SORCS3: variants seen among roughly 807,000 people sequenced by gnomAD.
The protein encoded by SORCS3 is sortilin related VPS10 domain containing receptor 3, also known as VPS10 domain-containing receptor SorCS3.
SORCS3 carries 57 observed loss-of-function variants against 146.3 expected under a neutral mutation model. That is an observed-to-expected ratio of 0.39 (90% CI 0.31 to 0.49). The LOEUF is 0.49. Ranked by LOEUF, SORCS3 falls within the 20% of genes least tolerant of loss-of-function variation. SORCS3 has a pLI of 0.92. For synonymous variants in SORCS3, 653 were observed against 618.5 expected (o/e 1.06, Z -0.83); for missense variants, 1,341 against 1,575.5 (o/e 0.85, Z 2.52).
chr10:105,253,990 C>T (rs943019239), intron 23 of SORCS3, among the ~76,000 whole-genome samples: 2 of 152,178 alleles, frequency 1.3e-5, no homozygotes, highest in African/African-American at 2.4e-5. Context: ...TGATGAATAG[C>T]AGCTGTGATA....
chr10:104,794,218 C>T (rs996505583), intron 1 of SORCS3, among the ~76,000 whole-genome samples: 7 of 152,094 alleles, frequency 4.6e-5, no homozygotes, highest in Non-Finnish European at 1.0e-4. Context: ...ACTCTATACC[C>T]GTATTTTTGT....
At chr10:105,054,146 T>A (rs1240648948) in intron 5 of SORCS3, among the ~76,000 whole-genome samples, 1 of 152,084 alleles carries the variant, frequency 6.6e-6, no homozygotes, top group Non-Finnish European at 1.5e-5. Context: ...TCTGTTTTTG[T>A]TTCTTCTTCA....
chr10:105,014,432 G>T (rs939744306), intron 4 of SORCS3, among the ~76,000 whole-genome samples: 5 of 152,160 alleles, frequency 3.3e-5, no homozygotes, highest in Non-Finnish European at 5.9e-5. Context: ...ATTAATTAAA[G>T]TTTATTATAA....
chr10:104,973,107 T>C (rs1242676748), intron 3 of SORCS3, among the ~76,000 whole-genome samples: 3 of 152,134 alleles, frequency 2.0e-5, no homozygotes, highest in Non-Finnish European at 4.4e-5. Context: ...CAGTATTTTA[T>C]TGAGGATTTT....
intron 6 of SORCS3, among the ~76,000 whole-genome samples, chr10:105,091,761 A>G (rs908533106): frequency 2.6e-5 from 4 of 152,166 alleles, no homozygotes; most frequent in Non-Finnish European, 5.9e-5. Flanking sequence ...ATATTATCCA[A>G]TTCTTATGGC....
At chr10:104,735,971 C>T (rs2016767062) in intron 1 of SORCS3, among the ~76,000 whole-genome samples, 1 of 152,082 alleles carries the variant, frequency 6.6e-6, no homozygotes, top group Non-Finnish European at 1.5e-5. Context: ...TGAATCTCTC[C>T]CTCTTTTCTT....
At chr10:104,731,104 G>T (rs2016701184) in intron 1 of SORCS3, among the ~76,000 whole-genome samples, 1 of 152,222 alleles carries the variant, frequency 6.6e-6, no homozygotes, top group African/African-American at 2.4e-5. Flanking sequence ...CATTCCCAAA[G>T]AGAGCCAGAA....
At chr10:104,821,028 G>T (rs1469816553) in intron 1 of SORCS3, among the ~76,000 whole-genome samples, 1 of 152,166 alleles carries the variant, frequency 6.6e-6, no homozygotes, top group Non-Finnish European at 1.5e-5. Flanking sequence ...TGGCTTCATG[G>T]CAGGCTTGAT....
intron 1 of SORCS3, among the ~76,000 whole-genome samples, chr10:104,714,265 A>G (rs185716656): frequency 4.6e-5 from 7 of 151,668 alleles, no homozygotes; most frequent in African/African-American, 1.7e-4. Context: ...TTTTGCTCAA[A>G]TTTTTCTTCT....
At chr10:105,031,328 CACAA>C (rs754607250) in intron 4 of SORCS3, among the ~76,000 whole-genome samples, 1,329 of 77,500 alleles carry the variant, frequency 0.017, 18 homozygotes, top group South Asian at 0.068. Context: ...CACACACACA[CACAA>C]ACACACACAC....
rs766673229 is a variant in SORCS3, at chr10:105,158,920, A to C, written c.1658A>C (p.Gln553Pro). ...LPFCSLHLHL[Q>P]LSENPYSSGR... is the part of the protein sequence containing the mutation. ...TTCTGTTCCTTACATCTGCACCTGC[A>C]ACTCTCTGAAAATCCATATTCCTCA... Residue 553 changes from glutamine (Q) to proline (P), a missense_variant, in exon 11 of 27, where the codon CAA becomes CCA. Transcript: ENST00000369701. The C allele has an allele frequency of 3.7e-6, 6 of 1,613,130 alleles. No individual in the cohort carries two copies. In the South Asian group the frequency reaches 6.6e-5, roughly 18 times the overall value.
At chr10:105,073,093 T>C (rs2133727697) in intron 5 of SORCS3, among the ~76,000 whole-genome samples, 1 of 152,272 alleles carries the variant, frequency 6.6e-6, no homozygotes, top group South Asian at 2.1e-4. Context: ...CTACATACTT[T>C]ACCCTACTAT....
chr10:104,794,122 A>C (rs2017524719), intron 1 of SORCS3, among the ~76,000 whole-genome samples: 1 of 152,150 alleles, frequency 6.6e-6, no homozygotes, highest in African/African-American at 2.4e-5. Context: ...CTTCCTCTGA[A>C]GAGTTTCTAA....
intron 7 of SORCS3, among the ~76,000 whole-genome samples, chr10:105,127,303 A>G (rs1479321123): frequency 6.6e-6 from 1 of 152,128 alleles, no homozygotes; most frequent in Non-Finnish European, 1.5e-5. Flanking sequence ...ATTACTACCC[A>G]TTTGTAAAAG....
At chr10:105,217,664 A>G (rs2056673530) in intron 19 of SORCS3, among the ~76,000 whole-genome samples, 1 of 152,232 alleles carries the variant, frequency 6.6e-6, no homozygotes, top group Non-Finnish European at 1.5e-5. Context: ...CAATTCTAAG[A>G]ACTCTCCAAA....
At chr10:105,190,610 G>A (rs2056511025) in intron 14 of SORCS3, among the ~76,000 whole-genome samples, 2 of 152,002 alleles carry the variant, frequency 1.3e-5, no homozygotes, top group South Asian at 4.1e-4. Flanking sequence ...CACCATATTG[G>A]TCAGGATAGT....
chr10:105,077,482 C>T (rs2055595877), intron 5 of SORCS3, among the ~76,000 whole-genome samples: 1 of 149,790 alleles, frequency 6.7e-6, no homozygotes, highest in South Asian at 2.1e-4. Context: ...GGGGGTGTAT[C>T]GGTAATGACT....
At chr10:105,144,623 G>A (rs1310934701) in intron 8 of SORCS3, among the ~76,000 whole-genome samples, 1 of 152,118 alleles carries the variant, frequency 6.6e-6, no homozygotes, top group African/African-American at 2.4e-5. Context: ...AAATATGTAT[G>A]TGATTATGTC....
intron 3 of SORCS3, among the ~76,000 whole-genome samples, chr10:104,970,904 A>G (rs917760538): frequency 6.6e-6 from 1 of 152,186 alleles, no homozygotes; most frequent in African/African-American, 2.4e-5. Context: ...AGGTATGGAA[A>G]TTTAGGGGGC....
Sources: gnomAD v4.1 joint callset for allele counts (sites outside exome capture counted in the v4.1 genomes callset) on GRCh38, gnomAD v4.1.1 for gene constraint, MANE v1.5 for transcripts, NCBI Gene and HGNC (gene_info 2026-07-23, HGNC 2026-07-21) for gene names.